Variants in LRP1B observed in about 807,000 individuals in gnomAD.
LRP1B encodes LDL receptor related protein 1B.
A neutral mutation model predicts 556.6 loss-of-function variants in LRP1B; 217 were observed. That is an observed-to-expected ratio of 0.39 (90% CI 0.35 to 0.44). The LOEUF is 0.44. Among genes scored for constraint, LRP1B ranks in the 20% least tolerant of loss-of-function variants. The pLI is 1.00. For missense variants in LRP1B, 5,053 were observed against 5,620.8 expected (o/e 0.90, Z 3.23); for synonymous variants, 2,047 against 1,865.8 (o/e 1.10, Z -2.50).
At chr2:141,805,224 A>T (rs1034916872) in intron 2 of LRP1B, 4 of 152,060 alleles carry the variant, frequency 2.6e-5, no homozygotes, top group Admixed American at 6.6e-5. Flanking sequence ...TTCCAAAATG[A>T]GGTTATCTAC....
intron 32 of LRP1B, among the ~76,000 whole-genome samples, chr2:140,785,320 G>T (rs866774455): frequency 6.6e-6 from 1 of 152,144 alleles, no homozygotes; most frequent in African/African-American, 2.4e-5. Context: ...CTGGAAAAGA[G>T]TATATGATAT....
At chr2:140,938,348 G>C (rs1350371988) in intron 20 of LRP1B, among the ~76,000 whole-genome samples, 1 of 151,866 alleles carries the variant, frequency 6.6e-6, no homozygotes, top group Admixed American at 6.6e-5. Flanking sequence ...AAAAGTAAAA[G>C]AGAATAAAAA....
chr2:142,074,492 A>G (rs1321562664), intron 1 of LRP1B, among the ~76,000 whole-genome samples: 1 of 152,000 alleles, frequency 6.6e-6, no homozygotes, highest in Non-Finnish European at 1.5e-5. Flanking sequence ...TTTTATGGAG[A>G]TGATTCCTGA....
In LRP1B at chr2:142,015,991, C is replaced by CA. The variant is rs70994471; in HGVS notation, c.82+114656dup. Reference sequence around the variant, plus strand: ...TGGGCAACAGCGCGAGACTCCATCTCAAAAAAAAAAAAAAAAAAAAAGTGG... The same window carrying CA: ...TGGGCAACAGCGCGAGACTCCATCTCAAAAAAAAAAAAAAAAAAAAAAGTGG... On this transcript the variant is annotated intron_variant, in intron 1 of 90. Transcript: ENST00000389484. 6.2e-3 allele frequency among the ~76,000 whole-genome samples: 239 copies of CA among 38,786 alleles called. 10 individuals are homozygous for CA. Among genetic ancestry groups the CA allele is most frequent in the Middle Eastern group, 0.038 (1 of 26 alleles). 25.4% of individuals were successfully genotyped at this position (38,786 alleles called of 152,430 possible).
At chr2:140,567,272 G>A (rs1276259703) in intron 43 of LRP1B, among the ~76,000 whole-genome samples, 1 of 152,148 alleles carries the variant, frequency 6.6e-6, no homozygotes. Context: ...ACTACTTACT[G>A]CTACTGCACT....
chr2:142,102,507 A>G (rs1706602902), intron 1 of LRP1B, among the ~76,000 whole-genome samples: 1 of 151,752 alleles, frequency 6.6e-6, no homozygotes. Context: ...GAAAGTATCT[A>G]AAATGAATTA....
intron 82 of LRP1B, among the ~76,000 whole-genome samples, chr2:140,319,132 T>C (rs1476796748): frequency 6.6e-6 from 1 of 151,776 alleles, no homozygotes; most frequent in Non-Finnish European, 1.5e-5. Context: ...TTTGGACACA[T>C]AATTTGGACC....
chr2:141,666,028 A>G (rs191946487), intron 2 of LRP1B, among the ~76,000 whole-genome samples: 129 of 152,252 alleles, frequency 8.5e-4, no homozygotes, highest in African/African-American at 2.8e-3. Flanking sequence ...TGGGCTTAAT[A>G]CCTAGGTGAT....
intron 6 of LRP1B, 131 bp from the exon 7 acceptor site, chr2:141,188,714 T>G: frequency 1.4e-6 from 1 of 712,086 alleles, no homozygotes; most frequent in South Asian, 2.1e-5. Context: ...GAAAAGAAAC[T>G]GCAAAGTCTC....
At chr2:140,269,546 C>T (rs1331940323) in intron 86 of LRP1B, among the ~76,000 whole-genome samples, 1 of 151,930 alleles carries the variant, frequency 6.6e-6, no homozygotes, top group African/African-American at 2.4e-5. Flanking sequence ...CTGACAAGGT[C>T]GGGAGCAGGA....
At chr2:140,776,333 TTGTTA>T in intron 32 of LRP1B, 95 bp from the exon 33 acceptor site, 1 of 797,390 alleles carries the variant, frequency 1.3e-6, no homozygotes, top group Non-Finnish European at 1.8e-6. Context: ...CTGATTTCTT[TTGTTA>T]TATTTCCAAA....
chr2:141,935,377 TATTC>T (rs1700608166), intron 1 of LRP1B, among the ~76,000 whole-genome samples: 1 of 152,198 alleles, frequency 6.6e-6, no homozygotes, highest in Non-Finnish European at 1.5e-5. Flanking sequence ...TGTTTTAAGT[TATTC>T]ATTATTAGAG....
chr2:141,312,127 T>G (rs1686832823), intron 3 of LRP1B, among the ~76,000 whole-genome samples: 1 of 152,190 alleles, frequency 6.6e-6, no homozygotes, highest in Non-Finnish European at 1.5e-5. Flanking sequence ...GATTTTGTTT[T>G]CGATAAAAGT....
chr2:140,906,972 T>TAAAAAAA (rs398060601), intron 22 of LRP1B, among the ~76,000 whole-genome samples: 13,577 of 142,118 alleles, frequency 0.096, 872 homozygotes, highest in East Asian at 0.26. Flanking sequence ...CCACATATGG[T>TAAAAAAA]AAAAAAAAAA....
At chr2:140,748,797 TAC>T (rs66998697) in intron 35 of LRP1B, among the ~76,000 whole-genome samples, 77,416 of 94,820 alleles carry the variant, frequency 0.82, 30,974 homozygotes, top group East Asian at 0.89. Flanking sequence ...ATATATTATA[TAC>T]ATATTATATA....
intron 15 of LRP1B, among the ~76,000 whole-genome samples, chr2:140,996,753 G>A (rs1697258205): frequency 6.6e-6 from 1 of 151,838 alleles, no homozygotes; most frequent in Non-Finnish European, 1.5e-5. Flanking sequence ...CATGGATAAA[G>A]TTGCAAAAGA....
chr2:141,830,622 A>T (rs1029571414), intron 1 of LRP1B, among the ~76,000 whole-genome samples: 2 of 151,832 alleles, frequency 1.3e-5, no homozygotes, highest in Non-Finnish European at 3.0e-5. Flanking sequence ...TAGCTCTTTC[A>T]GTGGGACAGT....
chr2:141,808,641 A>G (rs527333377), intron 2 of LRP1B, among the ~76,000 whole-genome samples: 1 of 152,242 alleles, frequency 6.6e-6, no homozygotes, highest in Admixed American at 6.6e-5. Context: ...TGTTTAAAAC[A>G]TATCAACAGA....
chr2:141,192,971 T>C (rs1467684826), intron 6 of LRP1B, among the ~76,000 whole-genome samples: 1 of 152,010 alleles, frequency 6.6e-6, no homozygotes, highest in Non-Finnish European at 1.5e-5. Flanking sequence ...TAGTGATAAC[T>C]CATAATTGGC....
Sources: gnomAD v4.1 joint callset for allele counts (sites outside exome capture counted in the v4.1 genomes callset) on GRCh38, gnomAD v4.1.1 for gene constraint, MANE v1.5 for transcripts, NCBI Gene and HGNC (gene_info 2026-07-23, HGNC 2026-07-21) for gene names.